WDFY4: variants seen among roughly 807,000 people sequenced by gnomAD.
WDFY4 encodes WDFY family member 4.
Under a neutral mutation model 351.9 loss-of-function variants are expected in WDFY4, and 169 were observed. The ratio of observed to expected loss-of-function variants is 0.48; its 90% CI spans 0.42 to 0.55. The LOEUF (loss-of-function observed/expected upper bound fraction) is 0.55. WDFY4 is among the 20% of genes least tolerant of loss of function. The pLI, the probability that WDFY4 is intolerant of heterozygous loss-of-function variation, is 0.00. For synonymous variants in WDFY4, 1,622 were observed against 1,574.6 expected, an observed-to-expected ratio of 1.03 and a Z score of -0.71; for missense variants, 3,803 against 3,935.6, an observed-to-expected ratio of 0.97 and a Z score of 0.90.
At chr10:48,725,168 TG>T (rs1187595400) in intron 5 of WDFY4, among the ~76,000 whole-genome samples, 3 of 151,248 alleles carry the variant, frequency 2.0e-5, no homozygotes, top group Non-Finnish European at 4.4e-5. Flanking sequence ...CTGTGGTCCA[TG>T]AAGCCCAGCT....
chr10:48,881,972 A>G (rs748652381), intron 43 of WDFY4, among the ~76,000 whole-genome samples: 2 of 152,036 alleles, frequency 1.3e-5, no homozygotes, highest in African/African-American at 2.4e-5. Context: ...GAGCCTTCCT[A>G]TGGTTTCTCT....
intron 58 of WDFY4, 117 bp from the exon 59 acceptor site, chr10:48,976,680 G>A (rs1406956080): frequency 5.2e-6 from 5 of 954,830 alleles, no homozygotes; most frequent in Non-Finnish European, 7.0e-6. Flanking sequence ...GTACCTTGGG[G>A]GTCTTCAGAG....
chr10:48,940,368 G>C (rs1221238558), intron 47 of WDFY4, among the ~76,000 whole-genome samples: 1 of 152,250 alleles, frequency 6.6e-6, no homozygotes, highest in Admixed American at 6.5e-5. Context: ...GGATGAAGAG[G>C]TAAATCCCAG....
At chr10:48,795,518 TATATACATATATATATACACAC>T (rs1322614600) in intron 23 of WDFY4, among the ~76,000 whole-genome samples, 1 of 96,134 alleles carries the variant, frequency 1.0e-5, no homozygotes, top group African/African-American at 5.9e-5. Context: ...TATATATATA[TATATACATATATATATACACAC>T]ACATGAATAG....
intron 7 of WDFY4, among the ~76,000 whole-genome samples, chr10:48,728,973 T>C (rs1283477743): frequency 6.6e-6 from 1 of 152,248 alleles, no homozygotes; most frequent in Non-Finnish European, 1.5e-5. Context: ...TGAGATGCCC[T>C]TCTCCACAAG....
At chr10:48,824,262 T>G (rs935144471) in intron 35 of WDFY4, 1 of 877,196 alleles carries the variant, frequency 1.1e-6, no homozygotes, top group Non-Finnish European at 1.4e-6. Context: ...TAGCCTCTTA[T>G]CCGTACAGTG....
rs555073087 is a variant in WDFY4 at position 48,956,746 on chromosome 10, G to A, written c.7978-383G>A. 6.6e-5 allele frequency among the ~76,000 whole-genome samples: 10 copies of A among 152,272 alleles called. No homozygotes were observed. The South Asian group carries it at 1.5e-3, about 22-fold the overall frequency. On this transcript the variant is annotated intron_variant, in intron 51 of 61. Coordinates refer to ENST00000325239, the MANE Select transcript of WDFY4 (RefSeq NM_001394531.1). ...CTTGGCCATGAGCCTCTCAGGAGCC[G>A]AGTCCCAGTCACTAGCACTCTTGCT...
chr10:48,975,208 T>C (rs981307670), intron 58 of WDFY4, 167 bp downstream of exon 58: 1 of 872,926 alleles, frequency 1.1e-6, no homozygotes, highest in South Asian at 1.6e-5. Context: ...AGCACCCAGG[T>C]CTAGCTTCAA....
intron 11 of WDFY4, among the ~76,000 whole-genome samples, chr10:48,739,993 C>T (rs930395083): frequency 2.6e-5 from 4 of 152,120 alleles, no homozygotes; most frequent in South Asian, 4.1e-4. Context: ...AGCACTCAGG[C>T]GATTGTCTGT....
chr10:48,691,944 C>T (rs1364286468), intron 1 of WDFY4, among the ~76,000 whole-genome samples: 4 of 152,302 alleles, frequency 2.6e-5, no homozygotes, highest in South Asian at 2.1e-4. Flanking sequence ...GAGGCAGGGT[C>T]GAGCACCCCT....
intron 34 of WDFY4, 134 bp from the exon 35 acceptor site, chr10:48,822,246 C>A: frequency 7.0e-6 from 7 of 999,920 alleles, no homozygotes; most frequent in Non-Finnish European, 8.2e-6. Context: ...CTCGTCAGTA[C>A]AAGACTCCAT....
intron 35 of WDFY4, chr10:48,823,295 G>T: frequency 7.8e-7 from 1 of 1,287,346 alleles, no homozygotes. Flanking sequence ...CCACCCAGGG[G>T]GATGTCTGTG....
chr10:48,873,526 C>T lies in WDFY4; in HGVS notation c.6777C>T (p.Ala2259=), dbSNP rs1167392372. The part of the protein sequence containing the change: ...RKCGNIKAAN[A]WARIQEQLFG... ...GTGGCAACATCAAGGCAGCCAACGC[C>T]TGGGCCAGGATCCAGGAGCAGCTTT... The change falls in exon 41 of 62, where the codon GCC becomes GCT. Residue 2259 remains alanine (A), a synonymous_variant. Coordinates refer to ENST00000325239, the MANE Select transcript of WDFY4 (RefSeq NM_001394531.1). The T allele has an allele frequency of 6.4e-7, 1 of 1,551,420 alleles. No homozygotes were observed. The highest frequency in any genetic ancestry group is 1.4e-5 in the African/African-American group (1 of 73,028).
At chr10:48,744,257 A>G (rs892165350) in intron 12 of WDFY4, among the ~76,000 whole-genome samples, 1 of 152,212 alleles carries the variant, frequency 6.6e-6, no homozygotes, top group Non-Finnish European at 1.5e-5. Context: ...TAAAGCATAA[A>G]TGACAGAACA....
At chr10:48,751,405 A>G (rs2065177592) in intron 12 of WDFY4, among the ~76,000 whole-genome samples, 1 of 152,298 alleles carries the variant, frequency 6.6e-6, no homozygotes, top group Non-Finnish European at 1.5e-5. Flanking sequence ...ATAGGGATGG[A>G]TGGGCAGAGA....
intron 44 of WDFY4, among the ~76,000 whole-genome samples, chr10:48,893,646 G>A (rs866462362): frequency 2.6e-5 from 4 of 152,198 alleles, no homozygotes; most frequent in Admixed American, 1.3e-4. Flanking sequence ...GGACTAAATC[G>A]GGTAGAGAGT....
intron 48 of WDFY4, among the ~76,000 whole-genome samples, chr10:48,942,605 G>A (rs1840836580): frequency 6.6e-6 from 1 of 152,192 alleles, no homozygotes; most frequent in Non-Finnish European, 1.5e-5. Flanking sequence ...CCTAAAAGAG[G>A]CAGTTGTAGA....
intron 39 of WDFY4, among the ~76,000 whole-genome samples, chr10:48,861,550 A>G (rs2069344092): frequency 6.6e-6 from 1 of 152,206 alleles, no homozygotes. Flanking sequence ...CTTCTGATGA[A>G]AAAAATCACT....
intron 39 of WDFY4, among the ~76,000 whole-genome samples, chr10:48,851,157 C>T (rs529638477): frequency 2.5e-4 from 38 of 152,264 alleles, no homozygotes; most frequent in Non-Finnish European, 4.7e-4. Context: ...CCAGACTTTG[C>T]CCCACTATTC....
Sources: allele counts gnomAD v4.1 joint callset (sites outside exome capture counted in the v4.1 genomes callset), GRCh38; gene constraint gnomAD v4.1.1; transcripts MANE v1.5; gene names NCBI Gene and HGNC (gene_info 2026-07-23, HGNC 2026-07-21).